HS3ST4: variants seen among roughly 807,000 people sequenced by gnomAD.
The protein encoded by HS3ST4 is heparan sulfate-glucosamine 3-sulfotransferase 4.
Under a neutral mutation model 29.2 loss-of-function variants are expected in HS3ST4, and 17 were observed. The observed-to-expected ratio is 0.58, with a 90% CI of 0.40 to 0.87. The LOEUF (loss-of-function observed/expected upper bound fraction) is 0.87. Among genes scored for constraint, HS3ST4 ranks in the 40% least tolerant of loss-of-function variants. HS3ST4 has a pLI of 0.00. For missense variants in HS3ST4, 627 were observed against 634.5 expected (o/e 0.99, Z 0.13); for synonymous variants, 314 against 285.7 (o/e 1.10, Z -1.00).
intron 1 of HS3ST4, among the ~76,000 whole-genome samples, chr16:25,961,226 A>G (rs922848069): frequency 2.0e-5 from 3 of 152,222 alleles, no homozygotes; most frequent in Non-Finnish European, 2.9e-5. Flanking sequence ...GATCTGCTGA[A>G]TGCATACTTA....
intron 1 of HS3ST4, among the ~76,000 whole-genome samples, chr16:25,804,541 G>A (rs1211457825): frequency 6.6e-6 from 1 of 152,124 alleles, no homozygotes; most frequent in African/African-American, 2.4e-5. Flanking sequence ...AGAGTGGAAA[G>A]CAGATGGTAT....
intron 1 of HS3ST4, among the ~76,000 whole-genome samples, chr16:26,051,153 ACT>A (rs762375211): frequency 1.3e-5 from 2 of 151,862 alleles, no homozygotes; most frequent in African/African-American, 4.8e-5. Flanking sequence ...TTGAAAGGAA[ACT>A]CTCTAAGTCA....
intron 1 of HS3ST4, among the ~76,000 whole-genome samples, chr16:25,856,912 G>C (rs375819314): frequency 5.3e-5 from 8 of 152,142 alleles, no homozygotes; most frequent in East Asian, 3.9e-4. Context: ...CTGAGGGGTG[G>C]TCATGGGAAC....
chr16:25,741,253 TCA>T (rs1966649649), intron 1 of HS3ST4, among the ~76,000 whole-genome samples: 1 of 151,790 alleles, frequency 6.6e-6, no homozygotes, highest in Non-Finnish European at 1.5e-5. Context: ...GATGTACTCC[TCA>T]GTCTTTTTTG....
chr16:26,006,018 G>A (rs1210529520), intron 1 of HS3ST4, among the ~76,000 whole-genome samples: 1 of 152,116 alleles, frequency 6.6e-6, no homozygotes, highest in Non-Finnish European at 1.5e-5. Context: ...GGCTCAAGTG[G>A]CCGGGCATGG....
intron 1 of HS3ST4, among the ~76,000 whole-genome samples, chr16:25,894,224 G>A (rs898815960): frequency 1.3e-5 from 2 of 152,130 alleles, no homozygotes; most frequent in African/African-American, 4.8e-5. Context: ...TTCTGTGAAG[G>A]GGGCAGGGAG....
intron 1 of HS3ST4, among the ~76,000 whole-genome samples, chr16:25,807,943 G>C (rs994291768): frequency 2.6e-5 from 4 of 151,974 alleles, no homozygotes; most frequent in African/African-American, 9.7e-5. Flanking sequence ...ATTTTCTTTG[G>C]TGTGTTCATG....
intron 1 of HS3ST4, among the ~76,000 whole-genome samples, chr16:25,767,149 C>G (rs970387870): frequency 1.3e-5 from 2 of 152,186 alleles, no homozygotes; most frequent in Admixed American, 1.3e-4. Flanking sequence ...AGCACACTTC[C>G]TCTGAGTGGT....
chr16:25,762,744 A>G (rs1379969191), intron 1 of HS3ST4, among the ~76,000 whole-genome samples: 1 of 151,338 alleles, frequency 6.6e-6, no homozygotes, highest in Non-Finnish European at 1.5e-5. Flanking sequence ...AAACCACCCG[A>G]CGTGTACCTC....
At chr16:25,789,573 T>C (rs1317832415) in intron 1 of HS3ST4, among the ~76,000 whole-genome samples, 1 of 151,722 alleles carries the variant, frequency 6.6e-6, no homozygotes, top group Non-Finnish European at 1.5e-5. Context: ...TAATGATGAA[T>C]ACAACTGGAT....
chr16:25,752,749 A>G (rs1396179232), intron 1 of HS3ST4, among the ~76,000 whole-genome samples: 1 of 152,234 alleles, frequency 6.6e-6, no homozygotes, highest in East Asian at 1.9e-4. Context: ...TAGGTCTGCT[A>G]TGATGCATTT....
At chr16:25,934,560 C>A (rs1400283751) in intron 1 of HS3ST4, among the ~76,000 whole-genome samples, 1 of 152,162 alleles carries the variant, frequency 6.6e-6, no homozygotes, top group Non-Finnish European at 1.5e-5. Context: ...TCTGCTGAAG[C>A]CTCAGTTGAG....
At chr16:25,709,337 C>T (rs1022317178) in intron 1 of HS3ST4, among the ~76,000 whole-genome samples, 9 of 152,106 alleles carry the variant, frequency 5.9e-5, no homozygotes, top group African/African-American at 1.2e-4. Flanking sequence ...ATCCATCAAG[C>T]GGTTTCTGTT....
intron 1 of HS3ST4, among the ~76,000 whole-genome samples, chr16:26,027,511 T>C (rs1263635089): frequency 6.6e-6 from 1 of 152,244 alleles, no homozygotes; most frequent in Non-Finnish European, 1.5e-5. Context: ...TGAACTCCTC[T>C]AGATTTATGC....
intron 1 of HS3ST4, among the ~76,000 whole-genome samples, chr16:25,714,587 C>G (rs1254073916): frequency 6.6e-6 from 1 of 152,216 alleles, no homozygotes; most frequent in African/African-American, 2.4e-5. Context: ...CTGGGAAGTA[C>G]TTAAGCCACC....
chr16:26,010,819 T>G (rs780115578), intron 1 of HS3ST4, among the ~76,000 whole-genome samples: 1 of 152,198 alleles, frequency 6.6e-6, no homozygotes, highest in Non-Finnish European at 1.5e-5. Context: ...CGATAACTTA[T>G]TAGAAAAGAA....
chr16:26,049,741 TG>T (rs980091048), intron 1 of HS3ST4, among the ~76,000 whole-genome samples: 10 of 152,286 alleles, frequency 6.6e-5, no homozygotes, highest in African/African-American at 2.4e-4. Context: ...GCATTTTACC[TG>T]TGCCTCTAAC....
In HS3ST4 at chr16:25,893,250, G is replaced by A. The variant is rs117420907; in HGVS notation, c.734+200099G>A. Among the ~76,000 whole-genome samples the A allele has an allele frequency of 2.9e-3, 442 of 152,312 alleles. 3 individuals carry two copies. Among genetic ancestry groups the A allele is most frequent in the Non-Finnish European group, 3.6e-3 (246 of 68,032 alleles). ...GTGAGAACTGCGAGAAGCCGATGAA[G>A]GATGGTGCTGGGATTATGGCCATGA... On this transcript the variant is annotated intron_variant, in intron 1 of 1. Transcript: ENST00000331351.
chr16:25,995,307 A>G (rs1969149418), intron 1 of HS3ST4, among the ~76,000 whole-genome samples: 1 of 152,192 alleles, frequency 6.6e-6, no homozygotes. Context: ...TTCCAAAGGT[A>G]GCATTTGCTG....
Sources: allele counts gnomAD v4.1 joint callset (sites outside exome capture counted in the v4.1 genomes callset), GRCh38; gene constraint gnomAD v4.1.1; transcripts MANE v1.5; gene names NCBI Gene and HGNC (gene_info 2026-07-23, HGNC 2026-07-21).